NKAIN2: variants seen among roughly 807,000 people sequenced by gnomAD.
NKAIN2 encodes the protein sodium/potassium-transporting ATPase subunit beta-1-interacting protein 2.
In NKAIN2, 14 loss-of-function variants were observed where a neutral mutation model predicts 32.6. The observed-to-expected ratio is 0.43, with a 90% CI of 0.28 to 0.67. The LOEUF is 0.67. Ranked by LOEUF, NKAIN2 falls within the 30% of genes least tolerant of loss-of-function variation. NKAIN2 has a pLI of 0.17. For synonymous variants in NKAIN2, 80 were observed against 87.2 expected (o/e 0.92, Z 0.46); for missense variants, 198 against 258.3 (o/e 0.77, Z 1.60).
chr6:124,210,031 A>G (rs1469266128), intron 1 of NKAIN2, among the ~76,000 whole-genome samples: 2 of 150,362 alleles, frequency 1.3e-5, no homozygotes, highest in South Asian at 4.2e-4. Flanking sequence ...CAATACTTAC[A>G]TTCTAAAGTG....
chr6:124,642,263 T>C (rs1296408232), intron 3 of NKAIN2, among the ~76,000 whole-genome samples: 1 of 152,212 alleles, frequency 6.6e-6, no homozygotes, highest in African/African-American at 2.4e-5. Flanking sequence ...CTCAAAACCA[T>C]ACTTTCTCAG....
At chr6:123,992,130 T>C (rs554903582) in intron 1 of NKAIN2, among the ~76,000 whole-genome samples, 1 of 152,252 alleles carries the variant, frequency 6.6e-6, no homozygotes, top group South Asian at 2.1e-4. Flanking sequence ...TGTAGAGGCA[T>C]GGAAGGCAGG....
chr6:124,375,876 C>G (rs1799970382), intron 3 of NKAIN2, among the ~76,000 whole-genome samples: 1 of 152,102 alleles, frequency 6.6e-6, no homozygotes, highest in Non-Finnish European at 1.5e-5. Flanking sequence ...AACTCTTAAT[C>G]AAGTACTGCT....
intron 3 of NKAIN2, among the ~76,000 whole-genome samples, chr6:124,415,878 CTT>C: frequency 0.017 from 1,207 of 72,626 alleles, 13 homozygotes; most frequent in African/African-American, 0.057. Context: ...TTTTTATTTG[CTT>C]TTTTTTTTTT....
chr6:124,438,047 A>T (rs1347417322), intron 3 of NKAIN2: 1 of 279,326 alleles, frequency 3.6e-6, no homozygotes, highest in Non-Finnish European at 7.1e-6. Flanking sequence ...GTGCATTTAG[A>T]CCTGGGCTTC....
chr6:124,370,626 A>G (rs1295859186), intron 3 of NKAIN2, among the ~76,000 whole-genome samples: 1 of 152,174 alleles, frequency 6.6e-6, no homozygotes, highest in Admixed American at 6.6e-5. Context: ...TTTTGTAGCA[A>G]AATAGCAATA....
At position 124,357,444 on chromosome 6, in the gene NKAIN2, A is replaced by G. The variant is rs374265414; in HGVS notation, c.273+2097A>G. ...AATTGGTAATGGAAAAATGTACAGA[A>G]AGATAGAAACTCAAAAATGGTACAT... On this transcript the variant is annotated intron_variant, in intron 3 of 6. Coordinates refer to ENST00000368417, the MANE Select transcript of NKAIN2 (RefSeq NM_001040214.3). 4.9e-4 allele frequency among the ~76,000 whole-genome samples: 74 copies of G among 152,304 alleles called. 1 individual carries two copies. Among genetic ancestry groups the G allele is most frequent in the African/African-American group, 1.3e-3 (54 of 41,580 alleles).
At chr6:124,059,976 A>G (rs1782848355) in intron 1 of NKAIN2, among the ~76,000 whole-genome samples, 1 of 152,164 alleles carries the variant, frequency 6.6e-6, no homozygotes, top group Non-Finnish European at 1.5e-5. Context: ...CTTATGCTGC[A>G]TTGTTTTCAA....
intron 1 of NKAIN2, among the ~76,000 whole-genome samples, chr6:124,211,216 A>AT (rs756650064): frequency 1.8e-4 from 27 of 151,838 alleles, no homozygotes; most frequent in African/African-American, 4.6e-4. Context: ...AATTACTTGG[A>AT]TTTTTTCCTT....
At chr6:124,386,357 A>C (rs1423431792) in intron 3 of NKAIN2, among the ~76,000 whole-genome samples, 1 of 152,104 alleles carries the variant, frequency 6.6e-6, no homozygotes, top group Non-Finnish European at 1.5e-5. Flanking sequence ...CATCCCATAA[A>C]ACCGTTGCCA....
intron 3 of NKAIN2, among the ~76,000 whole-genome samples, chr6:124,455,734 G>A (rs11963422): frequency 6.6e-6 from 1 of 151,842 alleles, no homozygotes; most frequent in Non-Finnish European, 1.5e-5. Flanking sequence ...ATGTTGACAA[G>A]TTGGTATTCT....
At chr6:124,745,103 C>T (rs552028077) in intron 4 of NKAIN2, among the ~76,000 whole-genome samples, 123 of 151,808 alleles carry the variant, frequency 8.1e-4, no homozygotes, top group African/African-American at 2.8e-3. Context: ...GTGGAAAAGA[C>T]AAATTAGTCT....
chr6:124,149,618 G>A (rs919832569), intron 1 of NKAIN2, among the ~76,000 whole-genome samples: 2 of 152,124 alleles, frequency 1.3e-5, no homozygotes, highest in Non-Finnish European at 2.9e-5. Flanking sequence ...CTGAACTCTT[G>A]ATTTAATTCC....
chr6:123,995,889 T>C (rs1779602604), intron 1 of NKAIN2, among the ~76,000 whole-genome samples: 1 of 152,188 alleles, frequency 6.6e-6, no homozygotes, highest in Non-Finnish European at 1.5e-5. Context: ...ACTGTCATTG[T>C]TATTATTTTA....
chr6:124,767,466 T>C (rs935104759), intron 4 of NKAIN2, among the ~76,000 whole-genome samples: 6 of 152,176 alleles, frequency 3.9e-5, no homozygotes, highest in African/African-American at 1.4e-4. Context: ...TTACCTTTAC[T>C]CTTAAGATGG....
Position 123,877,133 on chromosome 6 carries a change from A to G in NKAIN2, c.54+72879A>G, listed in dbSNP as rs898645451. On this transcript the variant is annotated intron_variant, in intron 1 of 6. Transcript: ENST00000368417. ...TTGGTCCAGATTTTATTAGAAATCTATCTTTTGTTTTTACTTTTGATATTC... is the reference window on the plus strand; with the variant it reads ...TTGGTCCAGATTTTATTAGAAATCTGTCTTTTGTTTTTACTTTTGATATTC... Among the ~76,000 whole-genome samples the G allele has an allele frequency of 5.3e-5, 8 of 152,280 alleles. No individual in the cohort carries two copies. In the South Asian group the frequency reaches 1.7e-3, roughly 32 times the overall value.
intron 3 of NKAIN2, among the ~76,000 whole-genome samples, chr6:124,532,253 TG>T (rs1779552516): frequency 1.3e-5 from 2 of 152,104 alleles, no homozygotes; most frequent in East Asian, 3.9e-4. Flanking sequence ...GAGTTAACAC[TG>T]AAGCAAGCTA....
At chr6:124,804,856 C>T (rs1780452423) in intron 5 of NKAIN2, among the ~76,000 whole-genome samples, 1 of 152,186 alleles carries the variant, frequency 6.6e-6, no homozygotes. Context: ...GCACCTGGCT[C>T]CGAGGGTCCT....
intron 3 of NKAIN2, among the ~76,000 whole-genome samples, chr6:124,358,854 A>G (rs535535544): frequency 1.3e-4 from 20 of 151,392 alleles, no homozygotes; most frequent in African/African-American, 2.4e-4. Flanking sequence ...GCCCATGCCT[A>G]TGTCCTGAAT....
Sources: allele counts gnomAD v4.1 joint callset (sites outside exome capture counted in the v4.1 genomes callset), GRCh38; gene constraint gnomAD v4.1.1; transcripts MANE v1.5; gene names NCBI Gene and HGNC (gene_info 2026-07-23, HGNC 2026-07-21).